Variants in C2CD2L observed in about 807,000 individuals in gnomAD.
The protein encoded by C2CD2L is C2CD2 like.
In C2CD2L, 24 loss-of-function variants were observed where a neutral mutation model predicts 69.9. The ratio of observed to expected loss-of-function variants is 0.34; its 90% CI spans 0.25 to 0.48. C2CD2L has a LOEUF of 0.48. C2CD2L is among the 20% of genes least tolerant of loss of function. The pLI is 0.99. For synonymous variants in C2CD2L, 367 were observed against 391.0 expected, an observed-to-expected ratio of 0.94 and a Z score of 0.72; for missense variants, 811 against 941.5, an observed-to-expected ratio of 0.86 and a Z score of 1.81.
intron 10 of C2CD2L, 104 bp from the exon 11 acceptor site, chr11:119,113,507 T>C (rs1269837138): frequency 1.4e-6 from 2 of 1,478,400 alleles, no homozygotes; most frequent in African/African-American, 1.4e-5. Context: ...CTTTAATCAT[T>C]CTTGCCCTCT....
At chr11:119,103,942 C>T (rs570403318), upstream of C2CD2L, among the ~76,000 whole-genome samples, 45 of 152,282 alleles carry the variant, frequency 3.0e-4, no homozygotes, top group African/African-American at 1.1e-3. Flanking sequence ...TTCTCTTCCA[C>T]AGGGTGTCCC....
In C2CD2L at chr11:119,114,302, G is replaced by A. The variant is rs1946830529; in HGVS notation, c.1846G>A (p.Asp616Asn). The change falls in exon 13 of 14, where the codon GAT (aspartate) becomes AAT (asparagine). Residue 616 changes from aspartate (D) to asparagine (N), a missense_variant. Asp to Asn is a conservative substitution (Grantham distance 23). Transcript: ENST00000648610. The surrounding 1 kb of genome is among the most constrained non-coding windows in gnomAD (Gnocchi z 5.1). ...TATTTCTGAGAGGCCATCTGTGGAT[G>A]ATATTGAGTCGGAAACGGGGTCCAC... ...SDISERPSVD[D>N]IESETGSTGA... 1 of 1,614,098 alleles carries A rather than the reference G, an allele frequency of 6.2e-7. No homozygotes were observed. The highest frequency in any genetic ancestry group is 1.3e-5 in the African/African-American group (1 of 74,936).
chr11:119,110,543 C>T lies in C2CD2L; in HGVS notation c.451-18C>T. ...TGAGCACCCTTCCCCCACATCTGACCCACCTCGCCGGTCTCAGGTGCTGCG... is the reference window on the plus strand; with the variant it reads ...TGAGCACCCTTCCCCCACATCTGACTCACCTCGCCGGTCTCAGGTGCTGCG... On this transcript the variant is annotated intron_variant, in intron 2 of 13. Transcript: ENST00000648610. The surrounding 1 kb of genome is among the most constrained non-coding windows in gnomAD (Gnocchi z 5.7). The T allele has an allele frequency of 6.2e-7, 1 of 1,602,786 alleles. No homozygotes were observed.
In C2CD2L at chr11:119,110,058, G is replaced by A. The variant is rs372524515; in HGVS notation, c.355-46G>A. On this transcript the variant is annotated intron_variant, in intron 1 of 13. Coordinates refer to ENST00000648610, the MANE Select transcript of C2CD2L (RefSeq NM_001290474.2). The surrounding 1 kb of genome is among the most constrained non-coding windows in gnomAD (Gnocchi z 5.7). ...GCAACTGAGCAGGCCAACCCTGTGG[G>A]GGGCAGCTCCAGAGACCTGATCCAA... 12 of 1,393,498 alleles carry A rather than the reference G, an allele frequency of 8.6e-6. No homozygotes were observed. Among genetic ancestry groups the A allele is most frequent in the Non-Finnish European group, 1.0e-5 (10 of 978,814 alleles). 86.3% of individuals were successfully genotyped at this position (1,393,498 alleles called of 1,614,324 possible). A position where few individuals can be genotyped will look rare whatever the true frequency, so the allele number is the denominator to read the frequency against.
Position 119,114,209 on chromosome 11 carries a change from C to T in C2CD2L, c.1753C>T (p.Pro585Ser), listed in dbSNP as rs1946827754. 6.2e-7 allele frequency: 1 copy of T among 1,614,038 alleles called. No individual in the cohort carries two copies. Among genetic ancestry groups the T allele is most frequent in the South Asian group, 1.1e-5 (1 of 91,080 alleles). ...SPPSDPPAMS[P>S]GPLDALSSPT... is the part of the protein sequence containing the mutation. ...TCCCTCAGACCCACCAGCCATGTCT[C>T]CAGGACCGCTAGATGCCCTCTCTAG... is the stretch of plus-strand genomic sequence containing the variant. Residue 585 changes from proline to serine, a missense_variant, in exon 13 of 14, where the codon CCA becomes TCA. By Grantham distance (74) the Pro-to-Ser change is moderately conservative. Transcript: ENST00000648610. This position sits in a 1 kb window ranked among gnomAD's most constrained non-coding sequence, Gnocchi z 5.1.
At chr11:119,103,759 A>C (rs1056231562), upstream of C2CD2L, among the ~76,000 whole-genome samples, 2 of 152,228 alleles carry the variant, frequency 1.3e-5, no homozygotes, top group African/African-American at 4.8e-5. Context: ...AAATGGCTCT[A>C]ATTAACAACA....
Position 119,108,087 on chromosome 11 carries a change from A to C in C2CD2L, c.346A>C (p.Arg116=). The change falls in exon 1 of 14, where the codon AGA becomes CGA. Residue 116 remains arginine, a synonymous_variant. Coordinates refer to ENST00000648610, the MANE Select transcript of C2CD2L (RefSeq NM_001290474.2). Reference sequence around the variant, plus strand: ...GCGAGCGCTGAACGAGCAGGCCTGCAGAAACGGGGTGAGTTGGACCAAGCG... The same window carrying C: ...GCGAGCGCTGAACGAGCAGGCCTGCCGAAACGGGGTGAGTTGGACCAAGCG... ...WVRALNEQAC[R]NGSSIQIAFE... The C allele has an allele frequency of 1.3e-6, 2 of 1,593,074 alleles. No individual in the cohort carries two copies. The highest frequency in any genetic ancestry group is 1.7e-6 in the Non-Finnish European group (2 of 1,171,186).
chr11:119,113,102 T>C, intron 10 of C2CD2L: 1 of 582,572 alleles, frequency 1.7e-6, no homozygotes, highest in South Asian at 2.0e-5. Context: ...TTCTGGATCC[T>C]CCTGCCCCTC....
intron 10 of C2CD2L, chr11:119,113,296 C>A: frequency 2.5e-6 from 1 of 400,882 alleles, no homozygotes; most frequent in African/African-American, 2.0e-5. Context: ...GCCCCCATGG[C>A]ACTTCTGCCA....
chr11:119,111,293 C>A lies in C2CD2L; in HGVS notation c.829C>A (p.Gln277Lys). Residue 277 changes from glutamine (Q) to lysine (K), a missense_variant, in exon 6 of 14, where the codon CAG becomes AAG. By Grantham distance (53) the Gln-to-Lys change is moderately conservative (BLOSUM62 1). Transcript: ENST00000648610. ...VPSEKPPMMPQAQPAIPRPNR... is the reference protein window; with the variant it reads ...VPSEKPPMMPKAQPAIPRPNR... ...CAGTGAGAAGCCACCCATGATGCCC[C>A]AGGCTCAGCCAGCCATCCCCAGACC... 2 of 1,614,218 alleles carry A rather than the reference C, an allele frequency of 1.2e-6. No homozygotes were observed. Among genetic ancestry groups the A allele is most frequent in the Non-Finnish European group, 1.7e-6 (2 of 1,180,034 alleles).
rs1056146055 is a variant in C2CD2L, at chr11:119,110,472, G to T, written c.451-89G>T. 1 of 1,430,182 alleles carries T rather than the reference G, an allele frequency of 7.0e-7. No homozygotes were observed. The highest frequency in any genetic ancestry group is 9.3e-7 in the Non-Finnish European group (1 of 1,070,838). 88.6% of individuals were successfully genotyped at this position (1,430,182 alleles called of 1,614,324 possible). On this transcript the variant is annotated intron_variant, in intron 2 of 13. Coordinates refer to ENST00000648610, the MANE Select transcript of C2CD2L (RefSeq NM_001290474.2). The surrounding 1 kb of genome is among the most constrained non-coding windows in gnomAD (Gnocchi z 5.7). ...ACATGAAGTCCTTAGGAAAACGGAAGTGGGGAGGGGTCTGCTGAACTATTA... is the reference window on the plus strand; with the variant it reads ...ACATGAAGTCCTTAGGAAAACGGAATTGGGGAGGGGTCTGCTGAACTATTA...
At chr11:119,103,129 G>A (rs1946535734), upstream of C2CD2L, among the ~76,000 whole-genome samples, 1 of 151,982 alleles carries the variant, frequency 6.6e-6, no homozygotes, top group Admixed American at 6.6e-5. Flanking sequence ...GACCTCAGGT[G>A]ATCTGCCCGC....
Position 119,107,869 on chromosome 11 carries a change from G to T in C2CD2L, c.128G>T (p.Arg43Leu), listed in dbSNP as rs1258176203. ...CGGGGCTTGTGGCTGGCGCGGGCCC[G>T]CGGGGACCGGGGCCCGGGACCCGCC... is the stretch of plus-strand genomic sequence containing the variant. ...YARGLWLARA[R>L]GDRGPGPALA... The change falls in exon 1 of 14, where the codon CGC (arginine) becomes CTC (leucine). Residue 43 changes from arginine to leucine, a missense_variant. Transcript: ENST00000648610. This position sits in a 1 kb window ranked among gnomAD's most constrained non-coding sequence, Gnocchi z 5.4. The T allele has an allele frequency of 4.0e-6, 6 of 1,517,068 alleles. No homozygotes were observed. The highest frequency in any genetic ancestry group is 2.9e-5 in the African/African-American group (2 of 69,030). The allele number at this position is 1,517,068 out of a possible 1,614,324, so 94.0% of individuals were successfully genotyped here.
chr11:119,108,687 C>A (rs550680879), intron 1 of C2CD2L, among the ~76,000 whole-genome samples: 8 of 152,316 alleles, frequency 5.3e-5, no homozygotes, highest in African/African-American at 1.9e-4. Context: ...CCTTGAGGGT[C>A]AGTCACAAAC....
chr11:119,112,505 C>T lies in C2CD2L; in HGVS notation c.1108C>T (p.Leu370=). Reference sequence around the variant, plus strand: ...AGCCGAACTCCTAGGCCAGGCCACACTGCCTGTGGGCTCCCCCTCCAGACC... The same window carrying T: ...AGCCGAACTCCTAGGCCAGGCCACATTGCCTGTGGGCTCCCCCTCCAGACC... The part of the protein sequence containing the change: ...GDTELLGQAT[L]PVGSPSRPLS... The change falls in exon 9 of 14, where the codon CTG becomes TTG. Residue 370 remains leucine (L), a synonymous_variant. Coordinates refer to ENST00000648610, the MANE Select transcript of C2CD2L (RefSeq NM_001290474.2). 6.2e-7 allele frequency: 1 copy of T among 1,613,858 alleles called. No individual in the cohort carries two copies. Among genetic ancestry groups the T allele is most frequent in the South Asian group, 1.1e-5 (1 of 91,082 alleles).
chr11:119,104,606 C>T (rs775320280), upstream of C2CD2L, among the ~76,000 whole-genome samples: 1 of 152,216 alleles, frequency 6.6e-6, no homozygotes, highest in Non-Finnish European at 1.5e-5. Context: ...TGTGCCTTCC[C>T]TGGTAAAAGT....
chr11:119,106,758 C>T (rs890514049), upstream of C2CD2L: 1 of 152,182 alleles, frequency 6.6e-6, no homozygotes, highest in Non-Finnish European at 1.5e-5. Flanking sequence ...CCAGAACAAA[C>T]CTACACGAGC....
Position 119,114,051 on chromosome 11 carries a change from T to G in C2CD2L, c.1624-29T>G. 1 of 1,613,862 alleles carries G rather than the reference T, an allele frequency of 6.2e-7. No homozygotes were observed. ...AAAGCCCTAATGGGTCGGTCACTCCTGCCCATTAAAACCCGTCCCTCCTGC... is the reference window on the plus strand; with the variant it reads ...AAAGCCCTAATGGGTCGGTCACTCCGGCCCATTAAAACCCGTCCCTCCTGC... On this transcript the variant is annotated intron_variant, in intron 12 of 13. Coordinates refer to ENST00000648610, the MANE Select transcript of C2CD2L (RefSeq NM_001290474.2). The surrounding 1 kb of genome is among the most constrained non-coding windows in gnomAD (Gnocchi z 5.1).
In C2CD2L at chr11:119,110,108, C is replaced by T; in HGVS notation, c.359C>T (p.Ser120Phe). 6.2e-7 allele frequency: 1 copy of T among 1,611,742 alleles called. No individual in the cohort carries two copies. ...ATGCCCACATTACTCCCTCAGAGCT[C>T]CATCCAAATCGCCTTTGAGGAGGTG... Reference protein sequence around the residue: ...LNEQACRNGSSIQIAFEEVPQ... With the variant: ...LNEQACRNGSFIQIAFEEVPQ... Residue 120 changes from serine to phenylalanine, a missense_variant, in exon 2 of 14, where the codon TCC (serine) becomes TTC (phenylalanine). Transcript: ENST00000648610. This position sits in a 1 kb window ranked among gnomAD's most constrained non-coding sequence, Gnocchi z 5.7.
Sources: gnomAD v4.1 joint callset for allele counts (sites outside exome capture counted in the v4.1 genomes callset) on GRCh38, gnomAD v4.1.1 for gene constraint, Gnocchi (gnomAD v3.1) non-coding constraint, MANE v1.5 for transcripts, NCBI Gene and HGNC (gene_info 2026-07-23, HGNC 2026-07-21) for gene names.